UVSSA: variants seen among roughly 807,000 people sequenced by gnomAD.
UVSSA encodes UV stimulated scaffold protein A.
A neutral mutation model predicts 73.9 loss-of-function variants in UVSSA; 72 were observed. That is an observed-to-expected ratio of 0.97 (90% CI 0.81 to 1.19). The LOEUF is 1.19. UVSSA is among the 50% of genes most tolerant of loss of function. UVSSA has a pLI of 0.00. For missense variants in UVSSA, 1,150 were observed against 965.0 expected (o/e 1.19, Z -2.54); for synonymous variants, 454 against 391.3 (o/e 1.16, Z -1.89).
In UVSSA at chr4:1,383,763, C is replaced by T. The variant is rs1432228135; in HGVS notation, c.1862-3C>T. 1 of 1,613,108 alleles carries T rather than the reference C, an allele frequency of 6.2e-7. No individual in the cohort carries two copies. The highest frequency in any genetic ancestry group is 1.1e-5 in the South Asian group (1 of 91,082). ...TCCTGAAGTGCTTGAGTTTTGTTTG[C>T]AGAATGGCAGGACCCTGAGTTGATG... On this transcript the variant is annotated splice_polypyrimidine_tract_variant and splice_region_variant and intron_variant, in intron 12 of 13. Transcript: ENST00000389851.
chr4:1,393,483 A>C (rs2109334907), exon 14 of UVSSA: 1 of 152,238 alleles, frequency 6.6e-6, no homozygotes, highest in South Asian at 2.1e-4. Flanking sequence ...TGAACCCGGG[A>C]GGCAGAGGTT....
intron 8 of UVSSA, among the ~76,000 whole-genome samples, chr4:1,373,559 C>T (rs561579473): frequency 3.5e-4 from 53 of 152,314 alleles, no homozygotes; most frequent in African/African-American, 1.2e-3. Context: ...TTAACCGTCT[C>T]GGGCCATGGT....
At chr4:1,390,244 TG>T (rs1720374556), downstream of UVSSA, 1 of 152,194 alleles carries the variant, frequency 6.6e-6, no homozygotes, top group South Asian at 2.1e-4. Flanking sequence ...TTTAAGAGTT[TG>T]TTGTTTAATT....
chr4:1,371,862 T>C (rs1718081337), intron 8 of UVSSA, among the ~76,000 whole-genome samples: 1 of 152,204 alleles, frequency 6.6e-6, no homozygotes, highest in Non-Finnish European at 1.5e-5. Flanking sequence ...ATCTCTTAGT[T>C]TGGTGGTTTT....
chr4:1,394,036 G>A (rs1283643404), exon 14 of UVSSA: 3 of 240,862 alleles, frequency 1.2e-5, no homozygotes, highest in African/African-American at 2.3e-5. Flanking sequence ...CTGCTGACAC[G>A]CAGTTGATAT....
rs1719807103 is a variant in UVSSA, at chr4:1,383,945, G to A, written c.2036+5G>A. The A allele has an allele frequency of 6.2e-7, 1 of 1,608,270 alleles. No homozygotes were observed. The highest frequency in any genetic ancestry group is 8.5e-7 in the Non-Finnish European group (1 of 1,177,804). On this transcript the variant is annotated splice_donor_5th_base_variant and intron_variant, in intron 13 of 13. Coordinates refer to ENST00000389851, the MANE Select transcript of UVSSA (RefSeq NM_020894.4). ...TGGGAGAAAAGTCTTCGCCAAGTAA[G>A]AGTGGCTGCTGGGTCACCTCCCACC...
intron 5 of UVSSA, among the ~76,000 whole-genome samples, chr4:1,353,909 C>G (rs1715213268): frequency 6.6e-6 from 1 of 152,210 alleles, no homozygotes; most frequent in Admixed American, 6.5e-5. Context: ...GCACTGCAGC[C>G]TGGGTGGGTG....
rs1470137320 is a variant in UVSSA, at chr4:1,383,767, A to G, written c.1863A>G (p.Glu621=). The G allele has an allele frequency of 1.2e-6, 2 of 1,613,146 alleles. No individual in the cohort carries two copies. Among genetic ancestry groups the G allele is most frequent in the African/African-American group, 1.3e-5 (1 of 74,896 alleles). ...GAAGTGCTTGAGTTTTGTTTGCAGAATGGCAGGACCCTGAGTTGATGAGAG... is the reference window on the plus strand; with the variant it reads ...GAAGTGCTTGAGTTTTGTTTGCAGAGTGGCAGGACCCTGAGTTGATGAGAG... ...RRQLQKQERP[E]WQDPELMRDV... The change falls in exon 13 of 14, where the codon GAA becomes GAG. Residue 621 remains glutamate (E), a splice_region_variant and synonymous_variant. Coordinates refer to ENST00000389851, the MANE Select transcript of UVSSA (RefSeq NM_020894.4).
chr4:1,343,658 G>A (rs200244814), upstream of UVSSA, among the ~76,000 whole-genome samples: 61 of 152,224 alleles, frequency 4.0e-4, 1 homozygote, highest in African/African-American at 1.2e-3. Flanking sequence ...GTGGTGGCAC[G>A]TGCCTGTAAT....
chr4:1,364,720 C>T (rs939807386), intron 7 of UVSSA, among the ~76,000 whole-genome samples: 3 of 152,216 alleles, frequency 2.0e-5, no homozygotes, highest in South Asian at 2.1e-4. Flanking sequence ...GCCTCCATCC[C>T]GGGGGTACCT....
chr4:1,384,236 C>G, intron 13 of UVSSA: 1 of 438,892 alleles, frequency 2.3e-6, no homozygotes. Context: ...GGACACAGGC[C>G]TTGGCTGGTG....
chr4:1,389,150 C>G (rs1292110162), downstream of UVSSA: 1 of 151,910 alleles, frequency 6.6e-6, no homozygotes, highest in African/African-American at 2.4e-5. Flanking sequence ...TTGTCCCTTT[C>G]TAGGTTCTTT....
At position 1,349,828 on chromosome 4, in the gene UVSSA, T is replaced by C; in HGVS notation, c.403T>C (p.Tyr135His). 2 of 1,573,544 alleles carry C rather than the reference T, an allele frequency of 1.3e-6. No individual in the cohort carries two copies. The highest frequency in any genetic ancestry group is 1.7e-6 in the Non-Finnish European group (2 of 1,159,940). ...GEAYKKLALG[Y>H]HFLRHNKKVD... Reference sequence around the variant, plus strand: ...GGCCTACAAGAAGCTTGCCTTGGGCTACCACTTCTTAAGACACAACAAAAA... The same window carrying C: ...GGCCTACAAGAAGCTTGCCTTGGGCCACCACTTCTTAAGACACAACAAAAA... Residue 135 changes from tyrosine to histidine, a missense_variant, in exon 3 of 14, where the codon TAC becomes CAC. By Grantham distance (83) the Tyr-to-His change is moderately conservative. Coordinates refer to ENST00000389851, the MANE Select transcript of UVSSA (RefSeq NM_020894.4).
At chr4:1,343,485 C>A (rs1044983397), upstream of UVSSA, among the ~76,000 whole-genome samples, 1 of 152,194 alleles carries the variant, frequency 6.6e-6, no homozygotes, top group Non-Finnish European at 1.5e-5. Flanking sequence ...AATATTGAGT[C>A]CTCAACCCAT....
rs1196664187 is a variant in UVSSA at position 1,349,584 on chromosome 4, G to C, written c.159G>C (p.Glu53Asp). ...YRLLIAQLTQEHAEIRLSAFQ... is the reference protein window; with the variant it reads ...YRLLIAQLTQDHAEIRLSAFQ... The stretch of plus-strand genomic sequence containing the variant: ...TGCTGATAGCACAGCTGACCCAGGA[G>C]CACGCCGAGATCCGTCTCTCAGCCT... Residue 53 changes from glutamate to aspartate, a missense_variant, in exon 3 of 14, where the codon GAG (glutamate) becomes GAC (aspartate). By Grantham distance (45) the Glu-to-Asp change is conservative. Coordinates refer to ENST00000389851, the MANE Select transcript of UVSSA (RefSeq NM_020894.4). The C allele has an allele frequency of 6.2e-6, 10 of 1,613,962 alleles. No individual in the cohort carries two copies. The highest frequency in any genetic ancestry group is 1.7e-5 in the Admixed American group (1 of 60,002).
At chr4:1,393,198 A>G (rs138537946) in exon 14 of UVSSA, 1 of 152,320 alleles carries the variant, frequency 6.6e-6, no homozygotes, top group Non-Finnish European at 1.5e-5. Flanking sequence ...TTTGCCAAAC[A>G]AAACCTGATG....
Position 1,354,790 on chromosome 4 carries a change from C to G in UVSSA, c.990C>G (p.Arg330=), listed in dbSNP as rs145897251. Reference sequence around the variant, plus strand: ...ACCTTGCTCTCATCCACGCCGCCCGCGACACACTCAAGCTCATCCGGAACA... The same window carrying G: ...ACCTTGCTCTCATCCACGCCGCCCGGGACACACTCAAGCTCATCCGGAACA... ...EDNLALIHAA[R]DTLKLIRNKF... is the part of the protein sequence containing the mutation. Residue 330 remains arginine, a synonymous_variant, in exon 6 of 14, where the codon CGC becomes CGG. Transcript: ENST00000389851. 6.2e-7 allele frequency: 1 copy of G among 1,613,614 alleles called. No homozygotes were observed. The highest frequency in any genetic ancestry group is 8.5e-7 in the Non-Finnish European group (1 of 1,179,978).
chr4:1,344,633 T>C (rs553497312), upstream of UVSSA, among the ~76,000 whole-genome samples: 28 of 152,344 alleles, frequency 1.8e-4, no homozygotes, highest in African/African-American at 6.7e-4. Context: ...TCAACAAATA[T>C]TGAGCACCTG....
chr4:1,381,841 A>G (rs1719541178), intron 12 of UVSSA, among the ~76,000 whole-genome samples: 1 of 151,782 alleles, frequency 6.6e-6, no homozygotes, highest in Admixed American at 6.6e-5. Flanking sequence ...TAATTTTTGT[A>G]TTTTTATTTT....
Sources: allele counts gnomAD v4.1 joint callset (sites outside exome capture counted in the v4.1 genomes callset), GRCh38; gene constraint gnomAD v4.1.1; transcripts MANE v1.5; gene names NCBI Gene and HGNC (gene_info 2026-07-23, HGNC 2026-07-21).